LRRTM4: variants seen among roughly 807,000 people sequenced by gnomAD.
LRRTM4 encodes the protein leucine-rich repeat transmembrane neuronal protein 4.
LRRTM4 carries 25 observed loss-of-function variants against 47.6 expected under a neutral mutation model. The observed-to-expected ratio is 0.53, with a 90% confidence interval of 0.38 to 0.73. The LOEUF is 0.73. Ranked by LOEUF, LRRTM4 falls within the 30% of genes least tolerant of loss-of-function variation. The pLI is 0.00. For missense variants in LRRTM4, 638 were observed against 713.4 expected, an observed-to-expected ratio of 0.89 and a Z score of 1.20; for synonymous variants, 311 against 269.5, an observed-to-expected ratio of 1.15 and a Z score of -1.51.
intron 3 of LRRTM4, among the ~76,000 whole-genome samples, chr2:76,828,214 T>C (rs539590217): frequency 2.0e-5 from 3 of 151,946 alleles, no homozygotes; most frequent in African/African-American, 7.2e-5. Flanking sequence ...GCATGCCGTT[T>C]AGGGCACTAC....
At chr2:76,942,564 T>C (rs1378923977) in intron 3 of LRRTM4, among the ~76,000 whole-genome samples, 1 of 151,632 alleles carries the variant, frequency 6.6e-6, no homozygotes, top group Non-Finnish European at 1.5e-5. Context: ...TATGAATTTT[T>C]ATTACAAAAA....
intron 3 of LRRTM4, among the ~76,000 whole-genome samples, chr2:77,326,244 C>T (rs12619282): frequency 0.17 from 25,563 of 152,130 alleles, 2,655 homozygotes; most frequent in East Asian, 0.42. Flanking sequence ...TCTTTCCTTA[C>T]GAAGTTTCTC....
At chr2:77,357,479 A>G (rs1672010993) in intron 3 of LRRTM4, among the ~76,000 whole-genome samples, 1 of 152,166 alleles carries the variant, frequency 6.6e-6, no homozygotes, top group Non-Finnish European at 1.5e-5. Flanking sequence ...CCTCCTGAAT[A>G]CTAATTAAAT....
At chr2:77,216,130 G>T (rs1459172675) in intron 3 of LRRTM4, among the ~76,000 whole-genome samples, 1 of 152,010 alleles carries the variant, frequency 6.6e-6, no homozygotes, top group Non-Finnish European at 1.5e-5. Flanking sequence ...GAATACACTA[G>T]AAAATATTTG....
chr2:76,818,401 C>G (rs1279230796), intron 3 of LRRTM4, among the ~76,000 whole-genome samples: 3 of 151,686 alleles, frequency 2.0e-5, no homozygotes, highest in Non-Finnish European at 4.4e-5. Flanking sequence ...GAAAGCTATG[C>G]TCTTCCCACA....
intron 3 of LRRTM4, among the ~76,000 whole-genome samples, chr2:77,002,759 T>G (rs1294813928): frequency 6.6e-6 from 1 of 152,124 alleles, no homozygotes; most frequent in Non-Finnish European, 1.5e-5. Flanking sequence ...TTCTCATCAT[T>G]TAGGTCTCTG....
intron 3 of LRRTM4, among the ~76,000 whole-genome samples, chr2:77,081,813 A>G (rs138547540): frequency 4.9e-4 from 74 of 152,314 alleles, no homozygotes; most frequent in African/African-American, 1.7e-3. Flanking sequence ...AGTCAACTAA[A>G]TATCCTTTTA....
At chr2:76,830,933 A>G (rs1347679430) in intron 3 of LRRTM4, among the ~76,000 whole-genome samples, 2 of 152,076 alleles carry the variant, frequency 1.3e-5, no homozygotes, top group Non-Finnish European at 2.9e-5. Context: ...GCCATGCTTC[A>G]AATTATGGTC....
intron 3 of LRRTM4, among the ~76,000 whole-genome samples, chr2:77,265,110 G>A (rs1676016408): frequency 6.6e-6 from 1 of 152,010 alleles, no homozygotes; most frequent in Non-Finnish European, 1.5e-5. Flanking sequence ...ACAAAAAAGA[G>A]GCTTCACATA....
At chr2:77,164,233 A>C (rs1558613410) in intron 3 of LRRTM4, among the ~76,000 whole-genome samples, 1 of 152,234 alleles carries the variant, frequency 6.6e-6, no homozygotes, top group South Asian at 2.1e-4. Flanking sequence ...CATAATGGTA[A>C]AGGGATCAAT....
chr2:76,788,081 G>A (rs114801252), intron 3 of LRRTM4, among the ~76,000 whole-genome samples: 3,353 of 152,172 alleles, frequency 0.022, 118 homozygotes, highest in African/African-American at 0.074. Flanking sequence ...ATTGTTGTTA[G>A]GAGACAGCAT....
At chr2:77,501,490 A>G (rs2104076984) in intron 3 of LRRTM4, among the ~76,000 whole-genome samples, 1 of 151,172 alleles carries the variant, frequency 6.6e-6, no homozygotes, top group East Asian at 1.9e-4. Context: ...AATGTTTGAC[A>G]ATAAAAAGTT....
At position 77,340,814 on chromosome 2, in the gene LRRTM4, C is replaced by G. The variant is rs76463071; in HGVS notation, c.1551+177504G>C. ...TGTTTAATAGAATAAAAATATAGAC[C>G]TTGCTCAGGGAACATGATCTAAATT... On this transcript the variant is annotated intron_variant, in intron 3 of 3. Transcript: ENST00000409884. 6.6e-3 allele frequency among the ~76,000 whole-genome samples: 1,008 copies of G among 151,902 alleles called. 10 individuals are homozygous for G. The highest frequency in any genetic ancestry group is 0.023 in the African/African-American group (961 of 41,466).
intron 3 of LRRTM4, among the ~76,000 whole-genome samples, chr2:77,507,054 G>C (rs1678803900): frequency 6.6e-6 from 1 of 151,554 alleles, no homozygotes; most frequent in Non-Finnish European, 1.5e-5. Context: ...GGGGCTTGTT[G>C]GTAATTATTT....
intron 3 of LRRTM4, among the ~76,000 whole-genome samples, chr2:77,016,658 A>C (rs1271112464): frequency 1.3e-5 from 2 of 152,122 alleles, no homozygotes; most frequent in African/African-American, 4.8e-5. Context: ...TTGCCCCTGA[A>C]AATGCAAATA....
chr2:76,795,820 G>C (rs1047411899), intron 3 of LRRTM4, among the ~76,000 whole-genome samples: 1 of 151,800 alleles, frequency 6.6e-6, no homozygotes, highest in Non-Finnish European at 1.5e-5. Context: ...GAGCCAAGAT[G>C]GCCAAATAGG....
At chr2:76,971,649 GAAT>G (rs1224652133) in intron 3 of LRRTM4, among the ~76,000 whole-genome samples, 2 of 152,022 alleles carry the variant, frequency 1.3e-5, no homozygotes, top group African/African-American at 4.8e-5. Context: ...GGTAAAAAGA[GAAT>G]AAGAAGTAAG....
intron 3 of LRRTM4, among the ~76,000 whole-genome samples, chr2:77,395,967 T>A (rs1673684413): frequency 6.6e-6 from 1 of 151,958 alleles, no homozygotes; most frequent in South Asian, 2.1e-4. Flanking sequence ...CTATGACATT[T>A]GCCAGGGAGT....
At chr2:77,095,760 G>A (rs989297543) in intron 3 of LRRTM4, among the ~76,000 whole-genome samples, 4 of 151,950 alleles carry the variant, frequency 2.6e-5, no homozygotes, top group South Asian at 2.1e-4. Flanking sequence ...AGATCCACCC[G>A]CCTTGGCCTC....
Sources: allele counts gnomAD v4.1 joint callset (sites outside exome capture counted in the v4.1 genomes callset), GRCh38; gene constraint gnomAD v4.1.1; transcripts MANE v1.5; gene names NCBI Gene and HGNC (gene_info 2026-07-23, HGNC 2026-07-21).